The following PTPRD variants were observed in gnomAD, a reference collection of about 807,000 sequenced individuals.
PTPRD encodes the protein receptor-type tyrosine-protein phosphatase delta.
Under a neutral mutation model 214.5 loss-of-function variants are expected in PTPRD, and 34 were observed. The ratio of observed to expected loss-of-function variants is 0.16; its 90% CI spans 0.12 to 0.21. The LOEUF is 0.21. Ranked by LOEUF, PTPRD falls within the 10% of genes least tolerant of loss-of-function variation. PTPRD has a pLI of 1.00. For missense variants in PTPRD, 2,545 were observed against 2,398.7 expected (o/e 1.06, Z -1.27); for synonymous variants, 1,128 against 845.7 (o/e 1.33, Z -5.79).
At chr9:9,149,668 TAA>T (rs1017598000) in intron 10 of PTPRD, among the ~76,000 whole-genome samples, 60 of 152,356 alleles carry the variant, frequency 3.9e-4, no homozygotes, top group Non-Finnish European at 7.2e-4. Context: ...CTATGAAAAG[TAA>T]AGTTATCTCA....
chr9:9,367,621 A>T (rs1193211058), intron 9 of PTPRD, among the ~76,000 whole-genome samples: 1 of 151,702 alleles, frequency 6.6e-6, no homozygotes, highest in African/African-American at 2.4e-5. Flanking sequence ...TAAAAAAAAC[A>T]GTAGATTGCC....
intron 8 of PTPRD, among the ~76,000 whole-genome samples, chr9:9,399,133 C>A (rs1474470190): frequency 1.3e-5 from 2 of 152,004 alleles, no homozygotes; most frequent in African/African-American, 4.8e-5. Context: ...TCATTAAGAA[C>A]TTTTCTTACT....
chr9:9,173,082 C>T lies in PTPRD; in HGVS notation c.-143+10222G>A, dbSNP rs374955736. On this transcript the variant is annotated intron_variant, in intron 10 of 45. Coordinates refer to ENST00000381196, the MANE Select transcript of PTPRD (RefSeq NM_002839.4). ...TCTCCTCAGACTTTCACTCCAGACA[C>T]GTGAGCCCTTCTGTTCCTTGCTTTA... Among the ~76,000 whole-genome samples, 47 of 152,236 alleles carry T rather than the reference C, an allele frequency of 3.1e-4. 2 individuals are homozygous for T. The highest frequency in any genetic ancestry group is 1.1e-3 in the African/African-American group (45 of 41,546).
chr9:9,088,913 G>C (rs1055162218), intron 10 of PTPRD, among the ~76,000 whole-genome samples: 1 of 152,112 alleles, frequency 6.6e-6, no homozygotes, highest in East Asian at 1.9e-4. Context: ...TAGATTTTCT[G>C]TATTAAATGA....
At chr9:9,203,161 C>T (rs78498972) in intron 9 of PTPRD, among the ~76,000 whole-genome samples, 7,237 of 151,812 alleles carry the variant, frequency 0.048, 420 homozygotes, top group African/African-American at 0.14. Context: ...ACCTGGGAGG[C>T]GGAGGTTGCA....
rs114550805 is a variant in PTPRD, at chr9:8,924,048, G to A, written c.-104+94649C>T. 6.4e-3 allele frequency among the ~76,000 whole-genome samples: 978 copies of A among 152,192 alleles called. 23 individuals carry two copies. The highest frequency in any genetic ancestry group is 0.023 in the African/African-American group (936 of 41,510). ...AGAAGGCAGTCATTTTCTAAATTTA[G>A]AATGAAGAAATATTTTAATTTTATT... is the stretch of plus-strand genomic sequence containing the variant. On this transcript the variant is annotated intron_variant, in intron 11 of 45. Transcript: ENST00000381196.
At chr9:8,838,237 G>A (rs1166949283) in intron 11 of PTPRD, among the ~76,000 whole-genome samples, 1 of 150,180 alleles carries the variant, frequency 6.7e-6, no homozygotes, top group East Asian at 2.0e-4. Flanking sequence ...AACACATAAC[G>A]ACTTCAAATT....
intron 3 of PTPRD, among the ~76,000 whole-genome samples, chr9:10,050,589 A>AAAAAAAAAAAAC (rs2097516520): frequency 1.4e-5 from 2 of 145,564 alleles, no homozygotes; most frequent in Non-Finnish European, 3.0e-5. Flanking sequence ...AAAAAAAAAA[A>AAAAAAAAAAAAC]AGACTATGTC....
At chr9:8,969,197 G>A (rs187867256) in intron 11 of PTPRD, among the ~76,000 whole-genome samples, 42 of 152,080 alleles carry the variant, frequency 2.8e-4, no homozygotes, top group African/African-American at 9.9e-4. Context: ...TTCACTCATG[G>A]TATTAACGAA....
At chr9:9,016,554 G>T (rs901660847) in intron 11 of PTPRD, among the ~76,000 whole-genome samples, 17 of 152,070 alleles carry the variant, frequency 1.1e-4, no homozygotes, top group Middle Eastern at 3.2e-3. Flanking sequence ...TCCATTAGAG[G>T]AATATAAGGC....
At chr9:9,786,092 C>T (rs1160123068) in intron 5 of PTPRD, among the ~76,000 whole-genome samples, 2 of 152,008 alleles carry the variant, frequency 1.3e-5, no homozygotes, top group Non-Finnish European at 1.5e-5. Context: ...ATGGCCTAAG[C>T]CTGTTTTCTA....
intron 10 of PTPRD, among the ~76,000 whole-genome samples, chr9:9,138,853 A>G (rs2099855273): frequency 6.6e-6 from 1 of 152,186 alleles, no homozygotes; most frequent in Non-Finnish European, 1.5e-5. Context: ...TGTTTAATAT[A>G]ATGCTACCAT....
chr9:9,460,302 A>T (rs1005336742), intron 8 of PTPRD, among the ~76,000 whole-genome samples: 1 of 152,102 alleles, frequency 6.6e-6, no homozygotes, highest in African/African-American at 2.4e-5. Flanking sequence ...TATGACTAAG[A>T]CCTCAAAAGC....
At chr9:9,464,442 C>T (rs915696557) in intron 8 of PTPRD, among the ~76,000 whole-genome samples, 2 of 152,122 alleles carry the variant, frequency 1.3e-5, no homozygotes, top group African/African-American at 4.8e-5. Flanking sequence ...ATTATAGAAA[C>T]AAAATTATCA....
At chr9:10,099,240 T>C (rs759340734) in intron 3 of PTPRD, among the ~76,000 whole-genome samples, 5 of 151,754 alleles carry the variant, frequency 3.3e-5, no homozygotes, top group Non-Finnish European at 5.9e-5. Flanking sequence ...CCAGAAAAAC[T>C]ACATTAAGAG....
intron 9 of PTPRD, among the ~76,000 whole-genome samples, chr9:9,383,872 T>A (rs965457727): frequency 6.6e-6 from 1 of 152,044 alleles, no homozygotes; most frequent in African/African-American, 2.4e-5. Context: ...ATCCTGATAA[T>A]CATTGTTCCA....
At chr9:8,336,237 T>C (rs1392280614) in intron 43 of PTPRD, among the ~76,000 whole-genome samples, 1 of 149,086 alleles carries the variant, frequency 6.7e-6, no homozygotes, top group Non-Finnish European at 1.5e-5. Context: ...AGCATGGTAC[T>C]GGTACCAAAA....
At chr9:9,069,862 T>C (rs1272740627) in intron 10 of PTPRD, among the ~76,000 whole-genome samples, 1 of 152,182 alleles carries the variant, frequency 6.6e-6, no homozygotes, top group Non-Finnish European at 1.5e-5. Context: ...CCAGATTGAA[T>C]CATCTAGCTA....
At chr9:10,578,836 T>C (rs556132637) in intron 2 of PTPRD, among the ~76,000 whole-genome samples, 2 of 152,170 alleles carry the variant, frequency 1.3e-5, no homozygotes, top group Non-Finnish European at 2.9e-5. Flanking sequence ...GTCATCCAGG[T>C]GGTGAGTATA....
Sources: gnomAD v4.1 joint callset for allele counts (sites outside exome capture counted in the v4.1 genomes callset) on GRCh38, gnomAD v4.1.1 for gene constraint, MANE v1.5 for transcripts, NCBI Gene and HGNC (gene_info 2026-07-23, HGNC 2026-07-21) for gene names.